PLEKHA4: variants seen among roughly 807,000 people sequenced by gnomAD.
The protein encoded by PLEKHA4 is pleckstrin homology domain containing A4, also known as pleckstrin homology domain-containing family A member 4.
Under a neutral mutation model 94.7 loss-of-function variants are expected in PLEKHA4, and 73 were observed. The observed-to-expected ratio is 0.77, with a 90% confidence interval of 0.64 to 0.94. The LOEUF is 0.94. Ranked by LOEUF, PLEKHA4 falls within the 40% of genes least tolerant of loss-of-function variation. The probability of loss-of-function intolerance (pLI) is 0.00; values close to 1 mark genes in which losing one functional copy is unlikely to be tolerated. For synonymous variants in PLEKHA4, 449 were observed against 437.1 expected, an observed-to-expected ratio of 1.03 and a Z score of -0.34; for missense variants, 1,049 against 1,054.1, an observed-to-expected ratio of 1.00 and a Z score of 0.07.
At chr19:48,848,451 A>T (rs111705410) in intron 13 of PLEKHA4, among the ~76,000 whole-genome samples, 95 of 139,442 alleles carry the variant, frequency 6.8e-4, no homozygotes, top group African/African-American at 2.6e-3. Context: ...CCGCCACTGC[A>T]CTCCAGCCTG....
In PLEKHA4 at chr19:48,837,310, A is replaced by G. The variant is rs967915967; in HGVS notation, c.2319T>C (p.Thr773=). The G allele has an allele frequency of 2.4e-5, 39 of 1,613,820 alleles. No individual in the cohort carries two copies. Among genetic ancestry groups the G allele is most frequent in the Non-Finnish European group, 2.8e-5 (33 of 1,180,012 alleles). ...CGGATTAGAAGCTGGATTGTAGCAG[A>G]GTGACTCGCAGAGGCCATGCCCCCT... The part of the protein sequence containing the change: ...QDEGAWPLRV[T]LLQSSF Residue 773 remains threonine (T), a synonymous_variant, in exon 20 of 20, where the codon ACT becomes ACC. Transcript: ENST00000263265. The surrounding 1 kb of genome is among the most constrained non-coding windows in gnomAD (Gnocchi z 4.3).
At chr19:48,856,223 AAAAGG>A (rs920959634) in intron 9 of PLEKHA4, among the ~76,000 whole-genome samples, 7 of 150,360 alleles carry the variant, frequency 4.7e-5, no homozygotes, top group Admixed American at 4.0e-4. Context: ...AAGAGAGAGA[AAAAGG>A]AAAGGAAAGG....
chr19:48,844,037 C>T (rs2035864771), intron 16 of PLEKHA4, among the ~76,000 whole-genome samples: 1 of 151,786 alleles, frequency 6.6e-6, no homozygotes, highest in Non-Finnish European at 1.5e-5. Context: ...CTGGACTCAA[C>T]TGATCCACCT....
chr19:48,861,497 G>A lies in PLEKHA4; in HGVS notation c.270C>T (p.Ser90=), dbSNP rs1438659959. 6.2e-7 allele frequency: 1 copy of A among 1,614,054 alleles called. No individual in the cohort carries two copies. Among genetic ancestry groups the A allele is most frequent in the South Asian group, 1.1e-5 (1 of 91,084 alleles). ...SGHCLFYYKD[S]REESVLGSVL... Reference sequence around the variant, plus strand: ...CGCTGCCTAGGACACTCTCCTCGCGGCTGTCTGCAAAGAGGGGCTGGGGTC... The same window carrying A: ...CGCTGCCTAGGACACTCTCCTCGCGACTGTCTGCAAAGAGGGGCTGGGGTC... The change falls in exon 5 of 20, where the codon AGC becomes AGT. Residue 90 remains serine (S), a synonymous_variant. Coordinates refer to ENST00000263265, the MANE Select transcript of PLEKHA4 (RefSeq NM_020904.3).
chr19:48,853,663 C>A lies in PLEKHA4; in HGVS notation c.1326+19G>T, dbSNP rs1258104065. 5 of 1,513,970 alleles carry A rather than the reference C, an allele frequency of 3.3e-6. No homozygotes were observed. Among genetic ancestry groups the A allele is most frequent in the East Asian group, 4.8e-5 (2 of 41,624 alleles). The allele number at this position is 1,513,970 out of a possible 1,614,324, so 93.8% of individuals were successfully genotyped here. ...TCCTGGGGCCTCCTAGGAGGGCAGG[C>A]CCCTTCCCAGGTGCTCACCTGAGTC... On this transcript the variant is annotated intron_variant, in intron 12 of 19. Coordinates refer to ENST00000263265, the MANE Select transcript of PLEKHA4 (RefSeq NM_020904.3).
chr19:48,855,998 C>A (rs1042865862), intron 9 of PLEKHA4, among the ~76,000 whole-genome samples: 3 of 150,788 alleles, frequency 2.0e-5, no homozygotes, highest in Admixed American at 6.6e-5. Flanking sequence ...CATGGAGAAA[C>A]CCTGTCTTTA....
Position 48,867,407 on chromosome 19 carries a change from G to A in PLEKHA4, c.84+130C>T, listed in dbSNP as rs113154454. On this transcript the variant is annotated intron_variant, in intron 2 of 19. Transcript: ENST00000263265. The surrounding 1 kb of genome is among the most constrained non-coding windows in gnomAD (Gnocchi z 4.7). Reference sequence around the variant, plus strand: ...TAGCTGCGGTGTGTAGGCAATTTGGGACCTTACTATGTCTGGCAGACCCCG... The same window carrying A: ...TAGCTGCGGTGTGTAGGCAATTTGGAACCTTACTATGTCTGGCAGACCCCG... 0.013 allele frequency: 13,405 copies of A among 1,042,216 alleles called. 114 individuals are homozygous for A. The highest frequency in any genetic ancestry group is 0.016 in the Non-Finnish European group (11,654 of 722,214). 64.6% of individuals were successfully genotyped at this position (1,042,216 alleles called of 1,614,324 possible). A position where few individuals can be genotyped will look rare whatever the true frequency, so the allele number is the denominator to read the frequency against.
In PLEKHA4 at chr19:48,868,398, T is replaced by C. The variant is rs76502398; in HGVS notation, c.-322A>G. On this transcript the variant is annotated 5_prime_UTR_variant, in exon 1 of 20. Transcript: ENST00000263265. ...TCCAATCTTTCTGTTTCTGTCCAAA[T>C]CTTTTATTGTCAGACTCACAGGGTC... 1 of 152,140 alleles carries C rather than the reference T, an allele frequency of 6.6e-6. No individual in the cohort carries two copies. The highest frequency in any genetic ancestry group is 2.4e-5 in the African/African-American group (1 of 41,476). 9.4% of individuals were successfully genotyped at this position (152,140 alleles called of 1,614,324 possible).
Position 48,857,576 on chromosome 19 carries a change from A to G in PLEKHA4, c.973-80T>C, listed in dbSNP as rs565636388. ...TTCATTTTGTTCTGTACTAAGAAAA[A>G]TTCTTCTGCCTTGGGATCCTGTTGA... is the stretch of plus-strand genomic sequence containing the variant. On this transcript the variant is annotated intron_variant, in intron 8 of 19. Transcript: ENST00000263265. The G allele has an allele frequency of 1.5e-4, 124 of 801,788 alleles. No individual in the cohort carries two copies. In the African/African-American group the frequency reaches 2.0e-3, roughly 13 times the overall value. The allele number at this position is 801,788 out of a possible 1,614,324, so 49.7% of individuals were successfully genotyped here.
chr19:48,857,524 T>C, intron 8 of PLEKHA4, 28 bp from the exon 9 acceptor site: 1 of 1,298,720 alleles, frequency 7.7e-7, no homozygotes. Flanking sequence ...ATGGAGATGT[T>C]TAGAAACTGG....
rs762399245 is a variant in PLEKHA4 at position 48,858,919 on chromosome 19, C to T, written c.913G>A (p.Ala305Thr). The change falls in exon 8 of 20, where the codon GCT (alanine) becomes ACT (threonine). Residue 305 changes from alanine to threonine, a missense_variant. Transcript: ENST00000263265. ...PTPRRGPPSEAGGGKPPRSPQ... is the reference protein window; with the variant it reads ...PTPRRGPPSETGGGKPPRSPQ... ...CTCCTGGGGGGCTTTCCTCCCCCAG[C>T]CTCAGAGGGAGGTCCTCGGCGGGGA... 34 of 1,604,706 alleles carry T rather than the reference C, an allele frequency of 2.1e-5. No homozygotes were observed. Among genetic ancestry groups the T allele is most frequent in the African/African-American group, 2.7e-5 (2 of 74,166 alleles).
chr19:48,861,526 G>T (rs777023641), intron 4 of PLEKHA4, 25 bp from the exon 5 acceptor site: 1 of 1,613,224 alleles, frequency 6.2e-7, no homozygotes, highest in East Asian at 2.2e-5. Flanking sequence ...TGGGGTCAAG[G>T]ATCACACAGG....
chr19:48,859,249 G>C, intron 7 of PLEKHA4, 110 bp from the exon 8 acceptor site: 1 of 967,634 alleles, frequency 1.0e-6, no homozygotes, highest in Non-Finnish European at 1.5e-6. Flanking sequence ...GTGTCTTACT[G>C]TCCCACTGGG....
At chr19:48,842,143 C>CTTTTTTT (rs398059794) in intron 16 of PLEKHA4, among the ~76,000 whole-genome samples, 2 of 121,444 alleles carry the variant, frequency 1.6e-5, no homozygotes, top group African/African-American at 6.8e-5. Flanking sequence ...AATTTATTTT[C>CTTTTTTT]TTTTTTTTTT....
chr19:48,858,414 G>C (rs1261343881), intron 8 of PLEKHA4, among the ~76,000 whole-genome samples: 1 of 152,000 alleles, frequency 6.6e-6, no homozygotes, highest in Non-Finnish European at 1.5e-5. Flanking sequence ...CTGTCAGCTG[G>C]TCAGGAGTTC....
Position 48,837,151 on chromosome 19 carries a change from G to A in PLEKHA4, c.*138C>T. 1.7e-6 allele frequency: 2 copies of A among 1,204,228 alleles called. No individual in the cohort carries two copies. The highest frequency in any genetic ancestry group is 2.4e-6 in the Non-Finnish European group (2 of 833,698). The allele number at this position is 1,204,228 out of a possible 1,614,324, so 74.6% of individuals were successfully genotyped here. ...GACAGTGTTGAGAAAACCAAACTTT[G>A]GCCATAGAAACCATTCCCCTCCCGG... On this transcript the variant is annotated 3_prime_UTR_variant, in exon 20 of 20. Coordinates refer to ENST00000263265, the MANE Select transcript of PLEKHA4 (RefSeq NM_020904.3). The surrounding 1 kb of genome is among the most constrained non-coding windows in gnomAD (Gnocchi z 4.3).
intron 9 of PLEKHA4, among the ~76,000 whole-genome samples, chr19:48,854,750 G>A (rs1018121656): frequency 1.4e-5 from 2 of 144,170 alleles, no homozygotes; most frequent in Admixed American, 1.4e-4. Context: ...CCCAGGCTGG[G>A]GTGCAGTGGC....
intron 3 of PLEKHA4, among the ~76,000 whole-genome samples, chr19:48,863,917 A>G (rs1325246812): frequency 1.3e-5 from 2 of 152,152 alleles, no homozygotes; most frequent in African/African-American, 4.8e-5. Context: ...GTGCATAAGA[A>G]TCACCAGGAA....
At chr19:48,856,529 C>T (rs1210014241) in intron 9 of PLEKHA4, among the ~76,000 whole-genome samples, 1 of 151,996 alleles carries the variant, frequency 6.6e-6, no homozygotes, top group African/African-American at 2.4e-5. Flanking sequence ...ACCAGCCTGA[C>T]CAACATGGTG....
Sources: allele counts gnomAD v4.1 joint callset (sites outside exome capture counted in the v4.1 genomes callset), GRCh38; gene constraint gnomAD v4.1.1; non-coding constraint Gnocchi (gnomAD v3.1); transcripts MANE v1.5; gene names NCBI Gene and HGNC (gene_info 2026-07-23, HGNC 2026-07-21).